ZNF469: variants seen among roughly 807,000 people sequenced by gnomAD.
The protein encoded by ZNF469 is zinc finger protein 469.
In ZNF469, 1 loss-of-function variant was observed where a neutral mutation model predicts 1.0. The observed-to-expected ratio is 1.00, with a 90% CI of 0.35 to 4.73. The LOEUF is 4.73. ZNF469 is among the 30% of genes most tolerant of loss of function. The pLI, the probability that ZNF469 is intolerant of heterozygous loss-of-function variation, is 0.16. For synonymous variants in ZNF469, 2,703 were observed against 2,363.4 expected (o/e 1.14, Z -4.17); for missense variants, 6,100 against 5,356.3 (o/e 1.14, Z -4.33).
the ZNF469 span, among the ~76,000 whole-genome samples, chr16:88,163,868 G>A: frequency 6.7e-6 from 1 of 150,228 alleles, no homozygotes; most frequent in Non-Finnish European, 1.5e-5. Context: ...GGATAGGTAG[G>A]TAAGTGGATG....
the ZNF469 span, among the ~76,000 whole-genome samples, chr16:88,311,380 T>C: frequency 1.3e-5 from 2 of 152,166 alleles, no homozygotes; most frequent in Admixed American, 1.3e-4. Context: ...ATTTTAGAAA[T>C]GTAATGTACA....
the ZNF469 span, among the ~76,000 whole-genome samples, chr16:88,320,095 A>G: frequency 3.9e-5 from 6 of 152,260 alleles, no homozygotes; most frequent in African/African-American, 1.4e-4. Context: ...TTATGCAGCC[A>G]TTCAAAAGCA....
chr16:88,262,707 C>T, the ZNF469 span, among the ~76,000 whole-genome samples: 41 of 152,258 alleles, frequency 2.7e-4, no homozygotes, highest in African/African-American at 8.9e-4. This position sits in a 1 kb window ranked among gnomAD's most constrained non-coding sequence, Gnocchi z 4.3. Context: ...CCTGCCCTCA[C>T]GCATCTCGGA....
the ZNF469 span, among the ~76,000 whole-genome samples, chr16:88,298,708 C>G: frequency 0.027 from 4,098 of 152,266 alleles, 180 homozygotes; most frequent in African/African-American, 0.091. Context: ...TCCCACCTTC[C>G]TCTCCCCACT....
the ZNF469 span, among the ~76,000 whole-genome samples, chr16:88,256,896 T>TCTCTCTCTC: frequency 8.1e-4 from 22 of 27,144 alleles, no homozygotes; most frequent in African/African-American, 2.5e-3. Context: ...TTTTCTTTCC[T>TCTCTCTCTC]TCTTTCTTTC....
chr16:88,240,757 C>T, the ZNF469 span, among the ~76,000 whole-genome samples: 10 of 152,178 alleles, frequency 6.6e-5, no homozygotes, highest in East Asian at 1.9e-4. Context: ...CCTGCAGCCA[C>T]GGGCAACCGC....
At chr16:88,350,202 C>G in the ZNF469 span, among the ~76,000 whole-genome samples, 1 of 152,240 alleles carries the variant, frequency 6.6e-6, no homozygotes, top group Non-Finnish European at 1.5e-5. Context: ...AGCAGCTGCT[C>G]CAGGCGGATC....
the ZNF469 span, among the ~76,000 whole-genome samples, chr16:88,366,344 C>T: frequency 6.6e-6 from 1 of 151,272 alleles, no homozygotes. Flanking sequence ...GTCACCACCA[C>T]CATCATCATC....
At chr16:88,122,293 G>A in the ZNF469 span, among the ~76,000 whole-genome samples, 7 of 149,388 alleles carry the variant, frequency 4.7e-5, no homozygotes, top group Non-Finnish European at 1.0e-4. Flanking sequence ...CTACGGCCAC[G>A]ATGGCCCCTT....
At chr16:88,384,601 C>A (rs896955965) in intron 1 of ZNF469, among the ~76,000 whole-genome samples, 2 of 152,158 alleles carry the variant, frequency 1.3e-5, no homozygotes, top group African/African-American at 4.8e-5. Flanking sequence ...TCATTCTGCC[C>A]TGCAAATAGA....
the ZNF469 span, among the ~76,000 whole-genome samples, chr16:88,344,085 G>C: frequency 6.6e-6 from 1 of 152,078 alleles, no homozygotes; most frequent in African/African-American, 2.4e-5. Flanking sequence ...ACAGCAGAGA[G>C]TCTCAACAGG....
chr16:88,381,193 CAT>C (rs1338721401), upstream of ZNF469, among the ~76,000 whole-genome samples: 1 of 124,898 alleles, frequency 8.0e-6, no homozygotes, highest in South Asian at 2.9e-4. Flanking sequence ...CACTCACACA[CAT>C]GCATTCACAG....
At chr16:88,101,411 G>C in the ZNF469 span, among the ~76,000 whole-genome samples, 1 of 152,180 alleles carries the variant, frequency 6.6e-6, no homozygotes, top group Non-Finnish European at 1.5e-5. Context: ...ATTTCTATTA[G>C]CTGCTGGCTT....
In ZNF469 at chr16:88,427,751, A is replaced by C; in HGVS notation, c.281A>C (p.Gln94Pro). The C allele has an allele frequency of 6.5e-7, 1 of 1,543,542 alleles. No individual in the cohort carries two copies. The highest frequency in any genetic ancestry group is 8.7e-7 in the Non-Finnish European group (1 of 1,146,060). Residue 94 changes from glutamine to proline, a missense_variant, in exon 3 of 3, where the codon CAG (glutamine) becomes CCG (proline). Physicochemically the swap from Gln to Pro is moderately conservative, Grantham distance 76. Transcript: ENST00000565624. ...SSTPGKRGSPQTPPGRSPLQA... is the reference protein window; with the variant it reads ...SSTPGKRGSPPTPPGRSPLQA... ...ACCCCTGGGAAGAGGGGCAGCCCCC[A>C]GACCCCACCGGGGAGAAGCCCCTTG...
In ZNF469 at chr16:88,435,471, A is replaced by G. The variant is rs565666003; in HGVS notation, c.8001A>G (p.Ala2667=). The change falls in exon 3 of 3, where the codon GCA becomes GCG. Residue 2667 remains alanine, a synonymous_variant. Transcript: ENST00000565624. The part of the protein sequence containing the change: ...SDGRGSRPSP[A]MASYAASPSH... Reference sequence around the variant, plus strand: ...GGCGCGGCTCCAGACCATCCCCTGCAATGGCCAGTTACGCAGCCTCTCCGA... The same window carrying G: ...GGCGCGGCTCCAGACCATCCCCTGCGATGGCCAGTTACGCAGCCTCTCCGA... The G allele has an allele frequency of 6.5e-6, 10 of 1,549,482 alleles. No individual in the cohort carries two copies. In the East Asian group the frequency reaches 2.0e-4, roughly 30 times the overall value.
chr16:88,422,386 T>C (rs531061741), intron 1 of ZNF469, among the ~76,000 whole-genome samples: 1 of 122,728 alleles, frequency 8.1e-6, no homozygotes, highest in South Asian at 2.7e-4. Context: ...AATGAATGGG[T>C]GAATGGGTGG....
chr16:88,268,695 G>A, the ZNF469 span, among the ~76,000 whole-genome samples: 5 of 152,196 alleles, frequency 3.3e-5, no homozygotes, highest in Admixed American at 2.0e-4. Context: ...CTGAGGTCAC[G>A]CTTGTCACAC....
At chr16:88,321,333 C>G in the ZNF469 span, among the ~76,000 whole-genome samples, 29 of 152,346 alleles carry the variant, frequency 1.9e-4, no homozygotes, top group East Asian at 5.0e-3. Flanking sequence ...GGTTTTTGCC[C>G]GTAAGGCCTT....
chr16:88,324,563 G>C, the ZNF469 span, among the ~76,000 whole-genome samples: 1 of 152,370 alleles, frequency 6.6e-6, no homozygotes, highest in South Asian at 2.1e-4. Flanking sequence ...GTGGAAGGCA[G>C]GTTTACTTAA....
Sources: allele counts gnomAD v4.1 joint callset (sites outside exome capture counted in the v4.1 genomes callset), GRCh38; gene constraint gnomAD v4.1.1; non-coding constraint Gnocchi (gnomAD v3.1); transcripts MANE v1.5; gene names NCBI Gene and HGNC (gene_info 2026-07-23, HGNC 2026-07-21).